NPEPL1: variants seen among roughly 807,000 people sequenced by gnomAD.
NPEPL1 encodes the protein probable aminopeptidase NPEPL1.
Under a neutral mutation model 52.4 loss-of-function variants are expected in NPEPL1, and 45 were observed. That is an observed-to-expected ratio of 0.86 (90% CI 0.68 to 1.10). The LOEUF is 1.10. Among genes scored for constraint, NPEPL1 ranks in the 50% least tolerant of loss-of-function variants. The pLI is 0.00. For missense variants in NPEPL1, 696 were observed against 710.9 expected, an observed-to-expected ratio of 0.98 and a Z score of 0.24; for synonymous variants, 360 against 314.7, an observed-to-expected ratio of 1.14 and a Z score of -1.52.
chr20:58,697,509 C>G (rs1206893061), intron 3 of NPEPL1, among the ~76,000 whole-genome samples: 1 of 152,218 alleles, frequency 6.6e-6, no homozygotes, highest in African/African-American at 2.4e-5. Context: ...GGTTTAATTA[C>G]CTCGGCAGGG....
intron 6 of NPEPL1, chr20:58,704,170 G>A (rs887673624): frequency 1.4e-5 from 14 of 985,202 alleles, no homozygotes; most frequent in Admixed American, 6.2e-5. Context: ...GGTGTGAAAC[G>A]CAGACGCAAC....
intron 3 of NPEPL1, 150 bp from the exon 4 acceptor site, chr20:58,698,534 A>G: frequency 1.4e-6 from 1 of 703,350 alleles, no homozygotes. Context: ...AGGCAGCGAG[A>G]GCCATGGTCC....
At chr20:58,712,771 G>T (rs943676555) in intron 8 of NPEPL1, 192 bp downstream of exon 8, 2 of 681,646 alleles carry the variant, frequency 2.9e-6, no homozygotes, top group African/African-American at 3.5e-5. Context: ...GGGGCCCATG[G>T]CACCTGGATG....
At chr20:58,708,765 G>T (rs1429865089) in intron 7 of NPEPL1, among the ~76,000 whole-genome samples, 1 of 152,126 alleles carries the variant, frequency 6.6e-6, no homozygotes, top group Non-Finnish European at 1.5e-5. Flanking sequence ...TGGCAGATGG[G>T]CTCACCAGAA....
In NPEPL1 at chr20:58,713,384, T is replaced by C. The variant is rs1212602344; in HGVS notation, c.1002-36T>C. The C allele has an allele frequency of 3.9e-6, 6 of 1,556,856 alleles. No individual in the cohort carries two copies. The East Asian group carries it at 1.4e-4, about 36-fold the overall frequency. On this transcript the variant is annotated intron_variant, in intron 8 of 11. Transcript: ENST00000356091. The surrounding 1 kb of genome is among the most constrained non-coding windows in gnomAD (Gnocchi z 4.6). Reference sequence around the variant, plus strand: ...GGGCTCATGCCAGTGTCCCAGGAAATCCCGTCCCTGAGCGGGGATCTCTAC... The same window carrying C: ...GGGCTCATGCCAGTGTCCCAGGAAACCCCGTCCCTGAGCGGGGATCTCTAC...
intron 8 of NPEPL1, 137 bp downstream of exon 8, chr20:58,712,716 C>G (rs1335720504): frequency 4.1e-6 from 3 of 725,120 alleles, no homozygotes; most frequent in Non-Finnish European, 2.5e-6. Context: ...CTCCTTGCTT[C>G]CCGGAGGGCT....
At chr20:58,707,264 T>A in intron 7 of NPEPL1, 64 bp downstream of exon 7, 2 of 1,393,292 alleles carry the variant, frequency 1.4e-6, no homozygotes, top group Non-Finnish European at 1.9e-6. Flanking sequence ...TGCTCCCCTC[T>A]CCCCTGTCCG....
upstream of NPEPL1, chr20:58,691,856 C>G: frequency 6.9e-7 from 1 of 1,452,150 alleles, no homozygotes; most frequent in South Asian, 1.2e-5. Context: ...TTTTAAATGA[C>G]TCCTGGGTGG....
In NPEPL1 at chr20:58,713,913, C is replaced by T. The variant is rs1390235445; in HGVS notation, c.1126-4C>T. The stretch of plus-strand genomic sequence containing the variant: ...ACACGCTTCCCGGGTTCCTGCCCGC[C>T]CAGGGCATTGCCACAGGGAAGTACC... On this transcript the variant is annotated splice_polypyrimidine_tract_variant and splice_region_variant and intron_variant, in intron 9 of 11. Coordinates refer to ENST00000356091, the MANE Select transcript of NPEPL1 (RefSeq NM_024663.4). The surrounding 1 kb of genome is among the most constrained non-coding windows in gnomAD (Gnocchi z 4.6). The T allele has an allele frequency of 1.0e-5, 15 of 1,465,658 alleles. No homozygotes were observed. The East Asian group carries it at 2.9e-4, about 29-fold the overall frequency. The allele number at this position is 1,465,658 out of a possible 1,614,324, so 90.8% of individuals were successfully genotyped here. A position where few individuals can be genotyped will look rare whatever the true frequency, so the allele number is the denominator to read the frequency against.
chr20:58,696,510 G>A (rs906063913), intron 3 of NPEPL1, among the ~76,000 whole-genome samples: 1 of 152,214 alleles, frequency 6.6e-6, no homozygotes, highest in African/African-American at 2.4e-5. Context: ...GTAAACATCT[G>A]GTGATGGAAC....
rs1391119949 is a variant in NPEPL1, at chr20:58,713,827, TTCTC to T, written c.1126-88_1126-85del. ...ACCGTCTCTTTTCTGGCTCCCTTAT[TTCTC>T]TGTCTGCCTCCCGGTCCCTCTTTTG... is the stretch of plus-strand genomic sequence containing the variant. On this transcript the variant is annotated intron_variant, in intron 9 of 11. Transcript: ENST00000356091. This position sits in a 1 kb window ranked among gnomAD's most constrained non-coding sequence, Gnocchi z 4.6. 28 of 1,338,032 alleles carry T rather than the reference TTCTC, an allele frequency of 2.1e-5. No individual in the cohort carries two copies. Among genetic ancestry groups the T allele is most frequent in the Middle Eastern group, 2.7e-4 (1 of 3,736 alleles). The allele number at this position is 1,338,032 out of a possible 1,614,324, so 82.9% of individuals were successfully genotyped here.
chr20:58,709,050 A>G (rs2084787019), intron 7 of NPEPL1, among the ~76,000 whole-genome samples: 1 of 152,054 alleles, frequency 6.6e-6, no homozygotes, highest in East Asian at 1.9e-4. Context: ...GCCACTTGAC[A>G]AATGATCACA....
At chr20:58,703,577 G>A (rs1375522083) in intron 6 of NPEPL1, 1 of 985,248 alleles carries the variant, frequency 1.0e-6, no homozygotes, top group East Asian at 1.1e-4. Context: ...ATGTCGGCTT[G>A]TTGTGGACCA....
intron 11 of NPEPL1, 92 bp downstream of exon 11, chr20:58,714,762 T>C (rs2084921305): frequency 2.0e-6 from 2 of 1,003,526 alleles, no homozygotes; most frequent in Non-Finnish European, 2.9e-6. Flanking sequence ...GCAGAGCTCA[T>C]CAGAAACTTC....
At position 58,715,416 on chromosome 20, in the gene NPEPL1, G is replaced by A; in HGVS notation, c.*90G>A. 1 of 1,344,784 alleles carries A rather than the reference G, an allele frequency of 7.4e-7. No individual in the cohort carries two copies. Among genetic ancestry groups the A allele is most frequent in the Non-Finnish European group, 9.8e-7 (1 of 1,017,740 alleles). The allele number at this position is 1,344,784 out of a possible 1,614,324, so 83.3% of individuals were successfully genotyped here. ...CAATTGAAAGATTGCCCTTCATATG[G>A]GTTTTGGTTTGTCTTTCTGGTCGTC... On this transcript the variant is annotated 3_prime_UTR_variant, in exon 12 of 12. Transcript: ENST00000356091.
chr20:58,698,614 C>T, intron 3 of NPEPL1, 70 bp from the exon 4 acceptor site: 1 of 1,281,444 alleles, frequency 7.8e-7, no homozygotes, highest in Non-Finnish European at 1.1e-6. Flanking sequence ...GCCTTTTGTT[C>T]CTGGGGGATG....
At chr20:58,698,863 A>G in intron 4 of NPEPL1, 90 bp downstream of exon 4, 2 of 1,127,982 alleles carry the variant, frequency 1.8e-6, no homozygotes, top group South Asian at 1.3e-5. Flanking sequence ...GGGGCTGTCC[A>G]CACCCTGACG....
chr20:58,695,412 CTT>C (rs2084467102), intron 3 of NPEPL1, among the ~76,000 whole-genome samples: 1 of 125,800 alleles, frequency 7.9e-6, no homozygotes, highest in Admixed American at 8.0e-5. Flanking sequence ...GAGAATGATC[CTT>C]TTGAGGCTGC....
In NPEPL1 at chr20:58,693,839, C is replaced by T. The variant is rs773472422; in HGVS notation, c.253C>T (p.Arg85Trp). The change falls in exon 2 of 12, where the codon CGG becomes TGG. Residue 85 changes from arginine (R) to tryptophan (W), a missense_variant. Coordinates refer to ENST00000356091, the MANE Select transcript of NPEPL1 (RefSeq NM_024663.4). ...GGCTGCCCTGCCCTGCAGGGTGAGC[C>T]GGCACAACAGCCCCTCGGCCGCCCA... The part of the protein sequence containing the change: ...TVAALPCRVS[R>W]HNSPSAAHFI... 2.5e-6 allele frequency: 4 copies of T among 1,613,662 alleles called. No homozygotes were observed. The highest frequency in any genetic ancestry group is 4.5e-5 in the East Asian group (2 of 44,874).
Sources: allele counts gnomAD v4.1 joint callset (sites outside exome capture counted in the v4.1 genomes callset), GRCh38; gene constraint gnomAD v4.1.1; non-coding constraint Gnocchi (gnomAD v3.1); transcripts MANE v1.5; gene names NCBI Gene and HGNC (gene_info 2026-07-23, HGNC 2026-07-21).